The following SNHG17 variants were observed in gnomAD, a reference collection of about 807,000 sequenced individuals.
The protein encoded by SNHG17 is small nucleolar RNA host gene 17, also known as small nucleolar RNA host gene 17 (non-protein coding).
chr20:38,434,853 G>C, intron 1 of SNHG17: 3 of 985,466 alleles, frequency 3.0e-6, no homozygotes, highest in Non-Finnish European at 3.6e-6. Flanking sequence ...CAACAGTCAA[G>C]TGGCTTTGGA....
intron 5 of SNHG17, among the ~76,000 whole-genome samples, chr20:38,424,105 G>A (rs1190500435): frequency 1.3e-5 from 2 of 151,912 alleles, no homozygotes; most frequent in Non-Finnish European, 2.9e-5. Flanking sequence ...AGGAGGCAGA[G>A]GCTGCAGTGA....
chr20:38,427,959 G>A (rs1388552889), intron 3 of SNHG17: 10 of 152,274 alleles, frequency 6.6e-5, no homozygotes, highest in Admixed American at 6.5e-4. Context: ...CAGAAACACT[G>A]CACACAGGCT....
Position 38,426,231 on chromosome 20 carries a change from C to T in SNHG17, n.466-183G>A, listed in dbSNP as rs551370368. ...CAGAGCCCAAGGGGAGCTCTGTAAG[C>T]CCCACCGTGATTCACACAGTGGAGT... On this transcript the variant is annotated intron_variant and non_coding_transcript_variant, in intron 4 of 8. Coordinates refer to ENST00000654008, the Ensembl canonical transcript of SNHG17. 4.6e-5 allele frequency among the ~76,000 whole-genome samples: 7 copies of T among 152,062 alleles called. No homozygotes were observed. In the South Asian group the frequency reaches 1.5e-3, roughly 32 times the overall value.
chr20:38,425,181 T>G (rs767644045), intron 5 of SNHG17: 2 of 517,004 alleles, frequency 3.9e-6, no homozygotes, highest in Non-Finnish European at 7.7e-6. Flanking sequence ...GTAACATCAC[T>G]GGTGAGAATA....
At chr20:38,426,267 G>A (rs1236176962) in intron 4 of SNHG17, among the ~76,000 whole-genome samples, 2 of 151,988 alleles carry the variant, frequency 1.3e-5, no homozygotes, top group African/African-American at 2.4e-5. Context: ...CGCAGAGTTC[G>A]AGGAAAAGAG....
intron 2 of SNHG17, chr20:38,433,989 G>T: frequency 1.9e-6 from 1 of 519,022 alleles, no homozygotes; most frequent in South Asian, 1.4e-5. Flanking sequence ...GATCACTTTC[G>T]AATACAGGTG....
intron 5 of SNHG17, among the ~76,000 whole-genome samples, chr20:38,422,870 C>G (rs1273221823): frequency 6.6e-6 from 1 of 152,196 alleles, no homozygotes; most frequent in Admixed American, 6.5e-5. Flanking sequence ...GTGGGTGGAT[C>G]ACTTGAGGTC....
chr20:38,430,554 A>T (rs1166355279), intron 3 of SNHG17, among the ~76,000 whole-genome samples: 1 of 151,504 alleles, frequency 6.6e-6, no homozygotes, highest in African/African-American at 2.4e-5. Flanking sequence ...CCCGGGAGGC[A>T]GAGGTTGCAG....
intron 3 of SNHG17, chr20:38,429,458 T>A: frequency 4.1e-6 from 1 of 246,578 alleles, no homozygotes. Context: ...AGGAGAGGTG[T>A]GGAGGCAGAG....
In SNHG17 at chr20:38,431,998, T is replaced by G. The variant is rs563503013; in HGVS notation, n.309-886A>C. On this transcript the variant is annotated intron_variant and non_coding_transcript_variant, in intron 2 of 8. Coordinates refer to ENST00000654008, the Ensembl canonical transcript of SNHG17. ...CCAGATCTCCAGAGGACAGACCTCA[T>G]AGAACACCATGGTCCACCTGCTTCC... 4.9e-5 allele frequency: 48 copies of G among 985,410 alleles called. No individual in the cohort carries two copies. The East Asian group carries it at 5.0e-3, about 103-fold the overall frequency. 61.0% of individuals were successfully genotyped at this position (985,410 alleles called of 1,614,324 possible). A position where few individuals can be genotyped will look rare whatever the true frequency, so the allele number is the denominator to read the frequency against.
intron 4 of SNHG17, chr20:38,426,403 C>G (rs149903025): frequency 2.6e-5 from 4 of 153,454 alleles, no homozygotes; most frequent in Admixed American, 6.5e-5. Flanking sequence ...TCTAGAGAAG[C>G]ACCCAGGATT....
intron 6 of SNHG17, chr20:38,421,809 G>A (rs1467973816): frequency 2.6e-5 from 4 of 152,680 alleles, no homozygotes; most frequent in African/African-American, 9.6e-5. Context: ...AGCAAGGGAG[G>A]GAGGCTGGTG....
chr20:38,427,247 T>C, intron 3 of SNHG17: 1 of 426,864 alleles, frequency 2.3e-6, no homozygotes, highest in Non-Finnish European at 4.7e-6. Flanking sequence ...CCGCACTGAC[T>C]TTCATGTGGC....
chr20:38,425,317 C>T (rs371518605), intron 5 of SNHG17: 40 of 519,200 alleles, frequency 7.7e-5, no homozygotes, highest in African/African-American at 6.7e-4. Context: ...CCCACGATCA[C>T]TTTCGAATAC....
At chr20:38,420,722 C>G (rs1465242087) in exon 8 of SNHG17, 1 of 152,164 alleles carries the variant, frequency 6.6e-6, no homozygotes, top group African/African-American at 2.4e-5. Flanking sequence ...CTTCCCTGTC[C>G]ACGGTCCTCT....
intron 2 of SNHG17, among the ~76,000 whole-genome samples, chr20:38,434,311 C>T (rs758758880): frequency 6.6e-6 from 1 of 152,238 alleles, no homozygotes; most frequent in Non-Finnish European, 1.5e-5. Context: ...AGAAAGTCAA[C>T]CTCAGGGGAA....
At chr20:38,434,107 C>T in intron 2 of SNHG17, 1 of 447,956 alleles carries the variant, frequency 2.2e-6, no homozygotes, top group Non-Finnish European at 4.4e-6. Context: ...GAGCCATCAT[C>T]ACTTCACAGG....
intron 3 of SNHG17, among the ~76,000 whole-genome samples, chr20:38,430,198 G>A (rs2084319243): frequency 6.6e-6 from 1 of 152,182 alleles, no homozygotes; most frequent in Non-Finnish European, 1.5e-5. Context: ...GCAGGCACCT[G>A]TAATCCCAGC....
chr20:38,434,149 A>C (rs1034137659), intron 2 of SNHG17: 1 of 380,172 alleles, frequency 2.6e-6, no homozygotes, highest in Non-Finnish European at 5.2e-6. Context: ...CAGAGTCCAC[A>C]GGAAAACAGA....
Sources: allele counts gnomAD v4.1 joint callset (sites outside exome capture counted in the v4.1 genomes callset), GRCh38; gene constraint gnomAD v4.1.1; transcripts MANE v1.5; gene names NCBI Gene and HGNC (gene_info 2026-07-23, HGNC 2026-07-21).